GDI2: variants seen among roughly 807,000 people sequenced by gnomAD.
GDI2 encodes the protein rab GDP dissociation inhibitor beta.
In GDI2, 22 loss-of-function variants were observed where a neutral mutation model predicts 54.2. That is an observed-to-expected ratio of 0.41 (90% CI 0.29 to 0.58). The LOEUF (loss-of-function observed/expected upper bound fraction) is 0.58. Ranked by LOEUF, GDI2 falls within the 20% of genes least tolerant of loss-of-function variation. The pLI, the probability that GDI2 is intolerant of heterozygous loss-of-function variation, is 0.35. For missense variants in GDI2, 422 were observed against 546.0 expected (o/e 0.77, Z 2.26); for synonymous variants, 177 against 182.1 (o/e 0.97, Z 0.23).
At position 5,776,874 on chromosome 10, in the gene GDI2, A is replaced by T; in HGVS notation, c.720-2933T>A. 4 of 1,073,350 alleles carry T rather than the reference A, an allele frequency of 3.7e-6. No homozygotes were observed. The highest frequency in any genetic ancestry group is 4.0e-6 in the Non-Finnish European group (3 of 742,498). 66.5% of individuals were successfully genotyped at this position (1,073,350 alleles called of 1,614,324 possible). On this transcript the variant is annotated intron_variant, in intron 6 of 10. Transcript: ENST00000380191. This position sits in a 1 kb window ranked among gnomAD's most constrained non-coding sequence, Gnocchi z 5.3. ...TTATGAATAATTAAAATGGAAGGCCAGAGAAGAGGGGAGAAGAGGAAATAA... is the reference window on the plus strand; with the variant it reads ...TTATGAATAATTAAAATGGAAGGCCTGAGAAGAGGGGAGAAGAGGAAATAA...
At position 5,768,477 on chromosome 10, in the gene GDI2, G is replaced by T; in HGVS notation, c.820-93C>A. 1 of 807,578 alleles carries T rather than the reference G, an allele frequency of 1.2e-6. No homozygotes were observed. The highest frequency in any genetic ancestry group is 1.7e-5 in the South Asian group (1 of 57,396). The allele number at this position is 807,578 out of a possible 1,614,324, so 50.0% of individuals were successfully genotyped here. On this transcript the variant is annotated intron_variant, in intron 7 of 10. Coordinates refer to ENST00000380191, the MANE Select transcript of GDI2 (RefSeq NM_001494.4). The surrounding 1 kb of genome is among the most constrained non-coding windows in gnomAD (Gnocchi z 4.4). ...AGTTTGGAAGACTTAGTATTGTTAA[G>T]ATATCAAAAACCATCCTCAAGTTCA...
chr10:5,766,289 A>T lies in GDI2; in HGVS notation c.1143T>A (p.Val381=), dbSNP rs1840329908. 1 of 1,612,668 alleles carries T rather than the reference A, an allele frequency of 6.2e-7. No individual in the cohort carries two copies. Among genetic ancestry groups the T allele is most frequent in the South Asian group, 1.1e-5 (1 of 91,050 alleles). ...TTGGTACCAGGAGGTCACTGATGCTAACAAATCTGGAGGGAGAGAGAATTC... is the reference window on the plus strand; with the variant it reads ...TTGGTACCAGGAGGTCACTGATGCTTACAAATCTGGAGGGAGAGAGAATTC... ...ELLEPIEQKF[V]SISDLLVPKD... The change falls in exon 10 of 11, where the codon GTT becomes GTA. Residue 381 remains valine (V), a synonymous_variant. Transcript: ENST00000380191. The surrounding 1 kb of genome is among the most constrained non-coding windows in gnomAD (Gnocchi z 5.8).
intron 3 of GDI2, among the ~76,000 whole-genome samples, chr10:5,795,833 G>C (rs1337529095): frequency 6.6e-6 from 1 of 151,970 alleles, no homozygotes; most frequent in Non-Finnish European, 1.5e-5. Flanking sequence ...GAAGTGAGAG[G>C]ATCACTTGAA....
At chr10:5,777,061 T>G (rs879087179) in intron 6 of GDI2, among the ~76,000 whole-genome samples, 1 of 152,194 alleles carries the variant, frequency 6.6e-6, no homozygotes, top group African/African-American at 2.4e-5. Context: ...GAGCTAATGA[T>G]TCCAACTTAG....
intron 4 of GDI2, among the ~76,000 whole-genome samples, chr10:5,793,101 C>A (rs767743638): frequency 2.0e-5 from 3 of 152,052 alleles, no homozygotes; most frequent in Non-Finnish European, 4.4e-5. Context: ...CTCAAGCGAT[C>A]CTCCTGCCTC....
rs1342437871 is a variant in GDI2, at chr10:5,766,790, G to A, written c.992-152C>T. On this transcript the variant is annotated intron_variant, in intron 8 of 10. Coordinates refer to ENST00000380191, the MANE Select transcript of GDI2 (RefSeq NM_001494.4). The surrounding 1 kb of genome is among the most constrained non-coding windows in gnomAD (Gnocchi z 5.8). ...TTAAGTTCTAAATGGTGACAGAGTT[G>A]GATGTAAAGTACACAGATATTTAAC... 3.3e-6 allele frequency: 2 copies of A among 612,820 alleles called. No homozygotes were observed. Among genetic ancestry groups the A allele is most frequent in the African/African-American group, 1.8e-5 (1 of 54,510 alleles). The allele number at this position is 612,820 out of a possible 1,614,324, so 38.0% of individuals were successfully genotyped here.
intron 4 of GDI2, among the ~76,000 whole-genome samples, chr10:5,786,374 T>G (rs1840880663): frequency 6.6e-6 from 1 of 151,974 alleles, no homozygotes; most frequent in Admixed American, 6.6e-5. Flanking sequence ...TTTCACCATG[T>G]TAGGCTGGTC....
rs1840354618 is a variant in GDI2 at position 5,766,999 on chromosome 10, A to G, written c.992-361T>C. ...CATTTAGAAAGGTTCTGAATGGCTA[A>G]GAAAGGATGTACTTAGTACTGACGT... On this transcript the variant is annotated intron_variant, in intron 8 of 10. Transcript: ENST00000380191. The surrounding 1 kb of genome is among the most constrained non-coding windows in gnomAD (Gnocchi z 5.8). Among the ~76,000 whole-genome samples, 1 of 152,206 alleles carries G rather than the reference A, an allele frequency of 6.6e-6. No homozygotes were observed. Among genetic ancestry groups the G allele is most frequent in the South Asian group, 2.1e-4 (1 of 4,826 alleles).
At chr10:5,799,635 G>A (rs1470575363) in intron 2 of GDI2, among the ~76,000 whole-genome samples, 2 of 152,252 alleles carry the variant, frequency 1.3e-5, no homozygotes, top group Non-Finnish European at 2.9e-5. Flanking sequence ...CTGGGCGGCA[G>A]AGCAAGATTC....
At chr10:5,780,568 A>C (rs1277817141) in intron 6 of GDI2, among the ~76,000 whole-genome samples, 1 of 152,254 alleles carries the variant, frequency 6.6e-6, no homozygotes, top group Non-Finnish European at 1.5e-5. Context: ...ACTTAAGTAC[A>C]AGATCATAGG....
chr10:5,812,635 G>C (rs778265549), intron 1 of GDI2, among the ~76,000 whole-genome samples: 2 of 152,168 alleles, frequency 1.3e-5, no homozygotes, highest in Non-Finnish European at 2.9e-5. Context: ...TCATTAGCAG[G>C]GGGGAGAAAG....
intron 4 of GDI2, among the ~76,000 whole-genome samples, chr10:5,789,221 A>C (rs775790800): frequency 9.2e-5 from 14 of 151,786 alleles, no homozygotes; most frequent in South Asian, 2.1e-4. Context: ...ATCTTCCTGC[A>C]TCAGCCTCCT....
At chr10:5,809,789 T>C (rs984722632) in intron 1 of GDI2, among the ~76,000 whole-genome samples, 5 of 152,338 alleles carry the variant, frequency 3.3e-5, no homozygotes, top group East Asian at 3.9e-4. Context: ...ACAGAGGTAA[T>C]TGCAGTGTAT....
intron 6 of GDI2, among the ~76,000 whole-genome samples, chr10:5,780,022 C>T (rs1588972187): frequency 6.6e-6 from 1 of 151,946 alleles, no homozygotes; most frequent in South Asian, 2.1e-4. Flanking sequence ...CCAGCCTGGG[C>T]AACATGGTGA....
In GDI2 at chr10:5,773,877, T is replaced by C. The variant is rs1005120715; in HGVS notation, c.784A>G (p.Asn262Asp). 2 of 1,539,684 alleles carry C rather than the reference T, an allele frequency of 1.3e-6. No homozygotes were observed. The highest frequency in any genetic ancestry group is 3.4e-5 in the Admixed American group (2 of 58,188). ...GATTTTACACCAATTACTTTTCCAT[T>C]CTGTACAATGATTTCTTCAATGGGT... ...NKPIEEIIVQNGKVIGVKSEG... is the reference protein window; with the variant it reads ...NKPIEEIIVQDGKVIGVKSEG... The change falls in exon 7 of 11, where the codon AAT becomes GAT. Residue 262 changes from asparagine to aspartate, a missense_variant. Transcript: ENST00000380191.
intron 1 of GDI2, among the ~76,000 whole-genome samples, chr10:5,811,140 A>G (rs1841473246): frequency 6.6e-6 from 1 of 152,222 alleles, no homozygotes; most frequent in South Asian, 2.1e-4. Context: ...AAATAAGGAT[A>G]TATGATTTCT....
intron 1 of GDI2, among the ~76,000 whole-genome samples, chr10:5,807,205 T>C (rs1343196903): frequency 2.6e-5 from 4 of 152,258 alleles, no homozygotes; most frequent in Non-Finnish European, 4.4e-5. Flanking sequence ...CATTAATTGA[T>C]AGAATTTATC....
rs544624838 is a variant in GDI2, at chr10:5,770,151, G to A, written c.820-1767C>T. On this transcript the variant is annotated intron_variant, in intron 7 of 10. Transcript: ENST00000380191. ...AAGAAGGCAAATACTATATTATTCC[G>A]TTTATATAAAATATAGTAGTTAAAA... Among the ~76,000 whole-genome samples, 297 of 152,268 alleles carry A rather than the reference G, an allele frequency of 2.0e-3. 1 individual carries two copies. The highest frequency in any genetic ancestry group is 6.5e-3 in the African/African-American group (269 of 41,556).
intron 1 of GDI2, among the ~76,000 whole-genome samples, chr10:5,809,300 A>C (rs995051292): frequency 1.4e-4 from 21 of 151,392 alleles, no homozygotes; most frequent in African/African-American, 5.1e-4. Context: ...AATGTGGCTA[A>C]TTATATCACT....
Sources: allele counts gnomAD v4.1 joint callset (sites outside exome capture counted in the v4.1 genomes callset), GRCh38; gene constraint gnomAD v4.1.1; non-coding constraint Gnocchi (gnomAD v3.1); transcripts MANE v1.5; gene names NCBI Gene and HGNC (gene_info 2026-07-23, HGNC 2026-07-21).